The following PCDHGA1 variants were observed in gnomAD, a reference collection of about 807,000 sequenced individuals.
PCDHGA1 encodes the protein protocadherin gamma-A1.
A neutral mutation model predicts 58.0 loss-of-function variants in PCDHGA1; 32 were observed. That is an observed-to-expected ratio of 0.55 (90% confidence interval 0.42 to 0.74). The LOEUF is 0.74. Ranked by LOEUF, PCDHGA1 falls within the 30% of genes least tolerant of loss-of-function variation. The pLI, the probability that PCDHGA1 is intolerant of heterozygous loss-of-function variation, is 0.00. For synonymous variants in PCDHGA1, 498 were observed against 501.1 expected (o/e 0.99, Z 0.08); for missense variants, 1,205 against 1,182.3 (o/e 1.02, Z -0.28).
At chr5:141,372,817 T>C (rs933851148) in intron 1 of PCDHGA1, 2 of 1,572,230 alleles carry the variant, frequency 1.3e-6, no homozygotes, top group Non-Finnish European at 1.7e-6. Context: ...AAGGTGAGTT[T>C]CTTCAAACCT....
chr5:141,386,918 A>G (rs758924740), intron 1 of PCDHGA1, among the ~76,000 whole-genome samples: 8 of 152,206 alleles, frequency 5.3e-5, no homozygotes, highest in Non-Finnish European at 1.2e-4. Context: ...CAAGGAATGT[A>G]AAATAAGTGC....
chr5:141,491,810 G>T lies in PCDHGA1; in HGVS notation c.2422-2997G>T. 1 of 1,486,878 alleles carries T rather than the reference G, an allele frequency of 6.7e-7. No individual in the cohort carries two copies. The allele number at this position is 1,486,878 out of a possible 1,614,324, so 92.1% of individuals were successfully genotyped here. A position where few individuals can be genotyped will look rare whatever the true frequency, so the allele number is the denominator to read the frequency against. ...CCACTCCTCTCCGGCCGGCTTGGTC[G>T]CTGGCTGCGCTCCACCCGATTCTCG... On this transcript the variant is annotated intron_variant, in intron 1 of 3. Coordinates refer to ENST00000517417, the MANE Select transcript of PCDHGA1 (RefSeq NM_018912.3). This position sits in a 1 kb window ranked among gnomAD's most constrained non-coding sequence, Gnocchi z 6.9.
chr5:141,468,899 T>C (rs1051519139), intron 1 of PCDHGA1, among the ~76,000 whole-genome samples: 2 of 151,550 alleles, frequency 1.3e-5, no homozygotes, highest in Non-Finnish European at 2.9e-5. Flanking sequence ...GGTACTAATA[T>C]GATCCAGACT....
At chr5:141,395,105 G>A in intron 1 of PCDHGA1, 1 of 1,614,220 alleles carries the variant, frequency 6.2e-7, no homozygotes, top group East Asian at 2.2e-5. Context: ...CCGACTCGCG[G>A]AAGAGTCACC....
chr5:141,392,768 T>C lies in PCDHGA1; in HGVS notation c.2421+59663T>C, dbSNP rs754714050. The C allele has an allele frequency of 1.9e-5, 29 of 1,507,388 alleles. No homozygotes were observed. In the Middle Eastern group the frequency reaches 7.0e-4, roughly 37 times the overall value. 93.4% of individuals were successfully genotyped at this position (1,507,388 alleles called of 1,614,324 possible). On this transcript the variant is annotated intron_variant, in intron 1 of 3. Coordinates refer to ENST00000517417, the MANE Select transcript of PCDHGA1 (RefSeq NM_018912.3). ...GCGGCAAGAAACTAAATAAGACCCA[T>C]TTATGCACAGTGAAGATTCTGAGAG...
In PCDHGA1 at chr5:141,370,866, C is replaced by A. The variant is rs770980502; in HGVS notation, c.2421+37761C>A. On this transcript the variant is annotated intron_variant, in intron 1 of 3. Transcript: ENST00000517417. ...AGCCACATTTGCCCTGGAATCTGCG[C>A]AAGATCCTGATGTAGGTGTCAATTC... 14 of 1,614,050 alleles carry A rather than the reference C, an allele frequency of 8.7e-6. No homozygotes were observed. In the Admixed American group the frequency reaches 2.3e-4, roughly 27 times the overall value.
chr5:141,355,216 G>A (rs1237611423), intron 1 of PCDHGA1: 1 of 1,604,048 alleles, frequency 6.2e-7, no homozygotes, highest in Admixed American at 1.7e-5. Context: ...GGCGCCTCCT[G>A]CTCGCCCAGA....
Position 141,485,286 on chromosome 5 carries a change from AG to A in PCDHGA1, c.2422-9520del. On this transcript the variant is annotated intron_variant, in intron 1 of 3. Coordinates refer to ENST00000517417, the MANE Select transcript of PCDHGA1 (RefSeq NM_018912.3). This position sits in a 1 kb window ranked among gnomAD's most constrained non-coding sequence, Gnocchi z 5.7. ...CAGATCCGCTACCCGGTCCCAGAGG[AG>A]TCACAGGAAGGGACTTTTGTAGGGA... The A allele has an allele frequency of 6.2e-7, 1 of 1,614,044 alleles. No homozygotes were observed. Among genetic ancestry groups the A allele is most frequent in the Non-Finnish European group, 8.5e-7 (1 of 1,179,928 alleles).
Position 141,331,057 on chromosome 5 carries a change from G to C in PCDHGA1, c.373G>C (p.Asp125His), listed in dbSNP as rs769105208. The C allele has an allele frequency of 6.2e-7, 1 of 1,609,678 alleles. No homozygotes were observed. Among genetic ancestry groups the C allele is most frequent in the Admixed American group, 1.7e-5 (1 of 59,836 alleles). Reference protein sequence around the residue: ...KLFPVEVEIIDINDNTPQFQL... With the variant: ...KLFPVEVEIIHINDNTPQFQL... ...TTTTCCTGTTGAAGTAGAAATAATT[G>C]ATATTAATGACAACACTCCCCAATT... Residue 125 changes from aspartate (D) to histidine (H), a missense_variant, in exon 1 of 4, where the codon GAT (aspartate) becomes CAT (histidine). By Grantham distance (81) the Asp-to-His change is moderately conservative (BLOSUM62 -1). Coordinates refer to ENST00000517417, the MANE Select transcript of PCDHGA1 (RefSeq NM_018912.3).
At chr5:141,506,278 G>A (rs1001662623) in intron 3 of PCDHGA1, among the ~76,000 whole-genome samples, 1 of 152,090 alleles carries the variant, frequency 6.6e-6, no homozygotes. Flanking sequence ...GTGAAACCCT[G>A]TCTCTACTAA....
rs768132114 is a variant in PCDHGA1 at position 141,489,845 on chromosome 5, G to A, written c.2422-4962G>A. 5 of 1,614,188 alleles carry A rather than the reference G, an allele frequency of 3.1e-6. No homozygotes were observed. The highest frequency in any genetic ancestry group is 2.2e-5 in the South Asian group (2 of 91,088). On this transcript the variant is annotated intron_variant, in intron 1 of 3. Transcript: ENST00000517417. This position sits in a 1 kb window ranked among gnomAD's most constrained non-coding sequence, Gnocchi z 4.5. ...CTGGTGCTAGAGCAGCAGCTGGATC[G>A]TGAAGCCCAGGCAAGACATCAGCTG...
In PCDHGA1 at chr5:141,505,496, T is replaced by C; in HGVS notation, c.2569+15T>C. 6.2e-7 allele frequency: 1 copy of C among 1,614,148 alleles called. No homozygotes were observed. The highest frequency in any genetic ancestry group is 8.5e-7 in the Non-Finnish European group (1 of 1,180,004). ...GTCCGCCAGTGGTAAGTGGTGTCAGTGTGTGTATGGAAGAGTGGGAGACCT... is the reference window on the plus strand; with the variant it reads ...GTCCGCCAGTGGTAAGTGGTGTCAGCGTGTGTATGGAAGAGTGGGAGACCT... On this transcript the variant is annotated intron_variant, in intron 3 of 3. Transcript: ENST00000517417.
chr5:141,354,337 C>A (rs1013818427), intron 1 of PCDHGA1, among the ~76,000 whole-genome samples: 3 of 152,134 alleles, frequency 2.0e-5, no homozygotes, highest in Non-Finnish European at 2.9e-5. Flanking sequence ...AGGTATTGTT[C>A]TAAAGATTGA....
In PCDHGA1 at chr5:141,511,197, C is replaced by A; in HGVS notation, c.*24C>A. 1 of 1,613,140 alleles carries A rather than the reference C, an allele frequency of 6.2e-7. No individual in the cohort carries two copies. Among genetic ancestry groups the A allele is most frequent in the Non-Finnish European group, 8.5e-7 (1 of 1,179,524 alleles). Reference sequence around the variant, plus strand: ...AACATGGAGGCCAGGCCAAGAGCCACAGGGCGGCCTCTCCCCAACCAGCCC... The same window carrying A: ...AACATGGAGGCCAGGCCAAGAGCCAAAGGGCGGCCTCTCCCCAACCAGCCC... On this transcript the variant is annotated 3_prime_UTR_variant, in exon 4 of 4. Transcript: ENST00000517417.
chr5:141,467,371 A>G, intron 1 of PCDHGA1, among the ~76,000 whole-genome samples: 1 of 151,906 alleles, frequency 6.6e-6, no homozygotes, highest in Non-Finnish European at 1.5e-5. Context: ...GTTTTCTTAT[A>G]TTGCATTTAG....
intron 1 of PCDHGA1, chr5:141,366,528 C>A (rs777450935): frequency 4.3e-6 from 7 of 1,614,210 alleles, no homozygotes; most frequent in South Asian, 1.1e-5. Flanking sequence ...AGCAGGTTGG[C>A]GGGTGTGCCC....
chr5:141,364,828 T>C (rs57308563), intron 1 of PCDHGA1: 152,960 of 1,613,868 alleles, frequency 0.095, 8,950 homozygotes, highest in African/African-American at 0.29. Flanking sequence ...GTGTGAACTC[T>C]CTCCGGAGTT....
At chr5:141,506,432 C>A (rs2099853359) in intron 3 of PCDHGA1, among the ~76,000 whole-genome samples, 1 of 132,482 alleles carries the variant, frequency 7.5e-6, no homozygotes, top group Non-Finnish European at 1.6e-5. Context: ...GGGCAACAGT[C>A]TCGCTCTGTC....
chr5:141,373,528 A>C lies in PCDHGA1; in HGVS notation c.2421+40423A>C, dbSNP rs186719526. Among the ~76,000 whole-genome samples, 616 of 152,300 alleles carry C rather than the reference A, an allele frequency of 4.0e-3. 6 individuals are homozygous for C. The highest frequency in any genetic ancestry group is 0.011 in the Admixed American group (171 of 15,302). On this transcript the variant is annotated intron_variant, in intron 1 of 3. Transcript: ENST00000517417. ...ACAGAGCGAGACTTTGTCTCCAAAA[A>C]AGTGTTTGTGGTTGTTGGTACCCTT...
Sources: allele counts gnomAD v4.1 joint callset (sites outside exome capture counted in the v4.1 genomes callset), GRCh38; gene constraint gnomAD v4.1.1; non-coding constraint Gnocchi (gnomAD v3.1); transcripts MANE v1.5; gene names NCBI Gene and HGNC (gene_info 2026-07-23, HGNC 2026-07-21).